The following CHST9 variants were observed in gnomAD, a reference collection of about 807,000 sequenced individuals.
The protein encoded by CHST9 is carbohydrate sulfotransferase 9.
A neutral mutation model predicts 44.4 loss-of-function variants in CHST9; 41 were observed. The ratio of observed to expected loss-of-function variants is 0.92; its 90% CI spans 0.72 to 1.20. CHST9 has a LOEUF of 1.20. CHST9 is among the 50% of genes most tolerant of loss of function. CHST9 has a pLI of 0.00. For synonymous variants in CHST9, 171 were observed against 178.4 expected (o/e 0.96, Z 0.33); for missense variants, 504 against 516.5 (o/e 0.98, Z 0.23).
rs567310291 is a variant in CHST9, at chr18:26,927,320, C to T, written c.241-9970G>A. On this transcript the variant is annotated intron_variant, in intron 5 of 5. Coordinates refer to ENST00000618847, the MANE Select transcript of CHST9 (RefSeq NM_031422.6). ...CTCCACACCTGTGGGCGTTTCTCGT[C>T]GGGGGGCGGGGGTACGAGAGACTGA... is the stretch of plus-strand genomic sequence containing the variant. Among the ~76,000 whole-genome samples the T allele has an allele frequency of 1.1e-4, 16 of 151,790 alleles. No individual in the cohort carries two copies. The South Asian group carries it at 2.7e-3, about 26-fold the overall frequency.
chr18:27,060,638 C>A (rs1336721455), intron 2 of CHST9, among the ~76,000 whole-genome samples: 1 of 152,154 alleles, frequency 6.6e-6, no homozygotes, highest in Non-Finnish European at 1.5e-5. Context: ...CTGTGAAAAA[C>A]ACAACTGAGT....
At chr18:27,008,769 A>C (rs547616730) in intron 4 of CHST9, among the ~76,000 whole-genome samples, 1 of 152,140 alleles carries the variant, frequency 6.6e-6, no homozygotes, top group South Asian at 2.1e-4. Flanking sequence ...AGCACCTGCC[A>C]CAGTGCTGGG....
At chr18:26,950,049 A>G (rs1288632384) in intron 4 of CHST9, among the ~76,000 whole-genome samples, 1 of 152,212 alleles carries the variant, frequency 6.6e-6, no homozygotes, top group Non-Finnish European at 1.5e-5. Flanking sequence ...TAAGATGCAT[A>G]CATTTGTGTT....
At chr18:27,046,142 G>C (rs2057497319) in intron 3 of CHST9, among the ~76,000 whole-genome samples, 1 of 186 alleles carries the variant, frequency 5.4e-3, no homozygotes, top group Non-Finnish European at 0.012. Context: ...TTTAGGGGGT[G>C]CCCAACCCCC....
chr18:27,064,321 A>G (rs1483408484), intron 2 of CHST9, among the ~76,000 whole-genome samples: 3 of 152,044 alleles, frequency 2.0e-5, no homozygotes, highest in Non-Finnish European at 4.4e-5. Flanking sequence ...TGGAGCCAGC[A>G]TGATGGGGCC....
intron 5 of CHST9, among the ~76,000 whole-genome samples, chr18:26,918,376 G>T (rs1032957236): frequency 2.0e-5 from 3 of 152,088 alleles, no homozygotes; most frequent in Non-Finnish European, 2.9e-5. Flanking sequence ...AAAAGTAAAT[G>T]AATAAATTCT....
At chr18:27,179,197 A>G (rs1279258594) in intron 1 of CHST9, among the ~76,000 whole-genome samples, 1 of 151,902 alleles carries the variant, frequency 6.6e-6, no homozygotes, top group Non-Finnish European at 1.5e-5. Context: ...CCCAGCATGT[A>G]CTTCAGTTTG....
chr18:26,938,251 T>C (rs1007755755), intron 5 of CHST9, among the ~76,000 whole-genome samples: 16 of 152,188 alleles, frequency 1.1e-4, no homozygotes, highest in African/African-American at 3.6e-4. Flanking sequence ...TACACTTAAG[T>C]ATTTTCTAGG....
intron 2 of CHST9, among the ~76,000 whole-genome samples, chr18:27,058,355 A>T (rs923862975): frequency 3.3e-5 from 5 of 152,182 alleles, no homozygotes; most frequent in African/African-American, 1.2e-4. Context: ...AAATCTTTTC[A>T]TAATGTTTAT....
intron 1 of CHST9, among the ~76,000 whole-genome samples, chr18:27,155,269 C>A (rs1299291541): frequency 6.6e-6 from 1 of 151,964 alleles, no homozygotes; most frequent in East Asian, 1.9e-4. Context: ...CTTTATATTC[C>A]AGATGCTTAG....
chr18:27,024,036 T>C (rs1598648176), intron 4 of CHST9, 80 bp downstream of exon 4: 1 of 1,366,178 alleles, frequency 7.3e-7, no homozygotes, highest in East Asian at 2.3e-5. Flanking sequence ...AGCCACACTC[T>C]GAGGTTTTCA....
intron 2 of CHST9, among the ~76,000 whole-genome samples, chr18:27,065,647 C>T (rs958544104): frequency 1.2e-4 from 16 of 131,918 alleles, no homozygotes; most frequent in African/African-American, 2.8e-4. Context: ...AAGGGAGAAA[C>T]GATATAAAAA....
chr18:27,166,426 C>G lies in CHST9; in HGVS notation c.-97+18710G>C, dbSNP rs577205729. Among the ~76,000 whole-genome samples the G allele has an allele frequency of 3.3e-5, 5 of 152,146 alleles. No homozygotes were observed. In the East Asian group the frequency reaches 9.7e-4, roughly 29 times the overall value. On this transcript the variant is annotated intron_variant, in intron 1 of 5. Coordinates refer to ENST00000618847, the MANE Select transcript of CHST9 (RefSeq NM_031422.6). ...AGAACTAGCTGCATTCTTTTTTTGT[C>G]TCTGGACACATGAACACTCTCTCTT...
At chr18:27,056,637 C>T (rs947626139) in intron 2 of CHST9, among the ~76,000 whole-genome samples, 2 of 152,128 alleles carry the variant, frequency 1.3e-5, no homozygotes, top group Non-Finnish European at 2.9e-5. Flanking sequence ...ATTTATAATG[C>T]TCTCACCTTG....
chr18:27,069,741 G>A (rs557768869), intron 2 of CHST9, among the ~76,000 whole-genome samples: 19 of 152,002 alleles, frequency 1.2e-4, no homozygotes, highest in Non-Finnish European at 2.5e-4. Context: ...GTCTTCTATT[G>A]CTACAAAATG....
At chr18:27,068,652 A>G (rs2057807379) in intron 2 of CHST9, among the ~76,000 whole-genome samples, 3 of 152,160 alleles carry the variant, frequency 2.0e-5, no homozygotes, top group Non-Finnish European at 2.9e-5. Context: ...AGGGTAGTTG[A>G]ATTTGTACCC....
At chr18:27,162,604 G>A (rs537163894) in intron 1 of CHST9, among the ~76,000 whole-genome samples, 6 of 152,072 alleles carry the variant, frequency 3.9e-5, no homozygotes, top group Non-Finnish European at 5.9e-5. Context: ...TGCTCTTCTC[G>A]AGGAGTATCT....
rs373282977 is a variant in CHST9 at position 27,014,022 on chromosome 18, T to C, written c.202+10094A>G. Among the ~76,000 whole-genome samples, 7 of 152,292 alleles carry C rather than the reference T, an allele frequency of 4.6e-5. No individual in the cohort carries two copies. The East Asian group carries it at 1.3e-3, about 29-fold the overall frequency. On this transcript the variant is annotated intron_variant, in intron 4 of 5. Transcript: ENST00000618847. ...GCTATGATTGTGGTATTATCATAAA[T>C]AAAATATGTGAGTGCAACAAATATT...
At chr18:27,130,999 C>T (rs1369251887) in intron 2 of CHST9, among the ~76,000 whole-genome samples, 1 of 151,916 alleles carries the variant, frequency 6.6e-6, no homozygotes, top group Non-Finnish European at 1.5e-5. Flanking sequence ...AAAGAAGGTA[C>T]GAAAATGAGA....
Sources: gnomAD v4.1 joint callset for allele counts (sites outside exome capture counted in the v4.1 genomes callset) on GRCh38, gnomAD v4.1.1 for gene constraint, MANE v1.5 for transcripts, NCBI Gene and HGNC (gene_info 2026-07-23, HGNC 2026-07-21) for gene names.